CYB5R4: variants seen among roughly 807,000 people sequenced by gnomAD.
The protein encoded by CYB5R4 is N-terminal cytochrome b5 and cytochrome b5 oxidoreductase domain-containing protein.
CYB5R4 carries 55 observed loss-of-function variants against 70.2 expected under a neutral mutation model. The ratio of observed to expected loss-of-function variants is 0.78; its 90% CI spans 0.63 to 0.98. The LOEUF (loss-of-function observed/expected upper bound fraction) is 0.98, where lower values mean the gene tolerates loss of function less well. Ranked by LOEUF, CYB5R4 falls within the 50% of genes least tolerant of loss-of-function variation. The pLI is 0.00. For synonymous variants in CYB5R4, 197 were observed against 199.5 expected (o/e 0.99, Z 0.11); for missense variants, 562 against 612.6 (o/e 0.92, Z 0.87).
chr6:83,885,388 G>A (rs2099460090), intron 2 of CYB5R4, among the ~76,000 whole-genome samples: 1 of 152,142 alleles, frequency 6.6e-6, no homozygotes, highest in Admixed American at 6.5e-5. Context: ...GGAGTCCCTA[G>A]ACCATATTTT....
Position 83,918,040 on chromosome 6 carries a change from GC to G in CYB5R4, c.483del (p.Glu163LysfsTer16). 6.2e-7 allele frequency: 1 copy of G among 1,610,826 alleles called. No individual in the cohort carries two copies. Among genetic ancestry groups the G allele is most frequent in the South Asian group, 1.1e-5 (1 of 90,768 alleles). ...LPKSQVTDTLAKEGPSYPSYD... is the reference protein window; with the variant it reads ...LPKSQVTDTLXKEGPSYPSYD... ...CAAGAGCCAAGTGACAGATACACTT[GC>G]CAAAGAAGGTCCTAGTTATCCAAGG... On this transcript the variant is annotated frameshift_variant, in exon 6 of 16. Transcript: ENST00000369681. LOFTEE classifies it high-confidence loss of function.
chr6:83,902,339 G>A (rs1033135051), intron 3 of CYB5R4, among the ~76,000 whole-genome samples: 4 of 152,058 alleles, frequency 2.6e-5, no homozygotes, highest in African/African-American at 9.7e-5. Context: ...TAAATATGTG[G>A]ATTTATTTCT....
intron 2 of CYB5R4, among the ~76,000 whole-genome samples, chr6:83,869,089 C>A (rs1449496618): frequency 1.3e-5 from 2 of 152,172 alleles, no homozygotes; most frequent in Non-Finnish European, 2.9e-5. Flanking sequence ...TGCTGATTGT[C>A]ATATACTAGT....
intron 14 of CYB5R4, among the ~76,000 whole-genome samples, chr6:83,944,329 C>T (rs140429255): frequency 0.012 from 1,806 of 152,222 alleles, 20 homozygotes; most frequent in Admixed American, 0.019. Context: ...CATATCCAGC[C>T]AAATTAAGCT....
chr6:83,954,624 A>G (rs1285245386), intron 14 of CYB5R4, among the ~76,000 whole-genome samples: 1 of 152,128 alleles, frequency 6.6e-6, no homozygotes, highest in South Asian at 2.1e-4. Flanking sequence ...AGCTCCACTC[A>G]TAAGTGAGAA....
intron 10 of CYB5R4, among the ~76,000 whole-genome samples, chr6:83,925,024 T>A (rs758619824): frequency 8.5e-5 from 13 of 152,212 alleles, no homozygotes; most frequent in Non-Finnish European, 1.8e-4. Context: ...TGTATTAGTC[T>A]CTTCTCACAT....
chr6:83,873,597 T>C (rs2099458006), intron 2 of CYB5R4, among the ~76,000 whole-genome samples: 1 of 152,182 alleles, frequency 6.6e-6, no homozygotes, highest in South Asian at 2.1e-4. Context: ...TATGACTGTG[T>C]GTAGTTGTCG....
intron 2 of CYB5R4, among the ~76,000 whole-genome samples, chr6:83,888,533 G>A (rs1031863513): frequency 6.6e-6 from 1 of 152,034 alleles, no homozygotes; most frequent in African/African-American, 2.4e-5. Context: ...TAGTTTTGGA[G>A]TGCCACAAAT....
chr6:83,901,690 C>A (rs932786645), intron 3 of CYB5R4, among the ~76,000 whole-genome samples: 12 of 144,686 alleles, frequency 8.3e-5, no homozygotes, highest in African/African-American at 3.1e-4. Flanking sequence ...TCCTCACCAG[C>A]GTCTATTATT....
chr6:83,878,768 A>G (rs1047755078), intron 2 of CYB5R4, among the ~76,000 whole-genome samples: 2 of 152,068 alleles, frequency 1.3e-5, no homozygotes, highest in Non-Finnish European at 2.9e-5. Context: ...GGTTGAATCA[A>G]TCTAGTAAGT....
At chr6:83,898,126 G>A (rs2099462223) in intron 3 of CYB5R4, among the ~76,000 whole-genome samples, 1 of 152,098 alleles carries the variant, frequency 6.6e-6, no homozygotes, top group Admixed American at 6.6e-5. Flanking sequence ...AATCCATCTT[G>A]AATTAATTTT....
chr6:83,904,761 A>G (rs1193080026), intron 3 of CYB5R4, among the ~76,000 whole-genome samples: 1 of 152,024 alleles, frequency 6.6e-6, no homozygotes, highest in Non-Finnish European at 1.5e-5. Flanking sequence ...CTTTTTCATG[A>G]CGTCTATCAC....
chr6:83,892,605 G>A (rs1212311628), intron 2 of CYB5R4, among the ~76,000 whole-genome samples: 2 of 152,158 alleles, frequency 1.3e-5, no homozygotes, highest in African/African-American at 2.4e-5. Flanking sequence ...ATAAATAACA[G>A]TTGAATAGAT....
chr6:83,923,986 C>T (rs1354799017), intron 9 of CYB5R4, among the ~76,000 whole-genome samples: 2 of 143,668 alleles, frequency 1.4e-5, no homozygotes, highest in Non-Finnish European at 3.0e-5. Flanking sequence ...AGGAGAATGG[C>T]GTGAACCCGG....
At chr6:83,947,187 T>C (rs1187732852) in intron 14 of CYB5R4, among the ~76,000 whole-genome samples, 1 of 152,214 alleles carries the variant, frequency 6.6e-6, no homozygotes, top group Non-Finnish European at 1.5e-5. Flanking sequence ...CAAAACGGCA[T>C]GGTACTGGTA....
intron 10 of CYB5R4, among the ~76,000 whole-genome samples, chr6:83,925,157 G>T (rs370266047): frequency 1.3e-5 from 2 of 152,198 alleles, no homozygotes; most frequent in East Asian, 3.9e-4. Flanking sequence ...GGAGGACTCA[G>T]GAAACTTACA....
intron 2 of CYB5R4, among the ~76,000 whole-genome samples, chr6:83,870,971 CTTT>C (rs759131653): frequency 0.022 from 1,949 of 88,548 alleles, 24 homozygotes; most frequent in African/African-American, 0.091. Flanking sequence ...TCATTGTTTG[CTTT>C]TTTTTTTTTT....
chr6:83,899,133 T>C (rs1194711142), intron 3 of CYB5R4, among the ~76,000 whole-genome samples: 1 of 152,146 alleles, frequency 6.6e-6, no homozygotes, highest in African/African-American at 2.4e-5. Context: ...TTTTGAGATA[T>C]GTGGCATCAG....
intron 3 of CYB5R4, among the ~76,000 whole-genome samples, chr6:83,903,309 A>G (rs149135405): frequency 6.6e-6 from 1 of 152,108 alleles, no homozygotes; most frequent in African/African-American, 2.4e-5. Flanking sequence ...TGTTGATGTG[A>G]TGTATCACAT....
Sources: gnomAD v4.1 joint callset for allele counts (sites outside exome capture counted in the v4.1 genomes callset) on GRCh38, gnomAD v4.1.1 for gene constraint, MANE v1.5 for transcripts, NCBI Gene and HGNC (gene_info 2026-07-23, HGNC 2026-07-21) for gene names.